CDK12: variants seen among roughly 807,000 people sequenced by gnomAD.
CDK12 encodes cyclin dependent kinase 12.
CDK12 carries 17 observed loss-of-function variants against 133.8 expected under a neutral mutation model. The ratio of observed to expected loss-of-function variants is 0.13; its 90% CI spans 0.09 to 0.19. CDK12 has a LOEUF of 0.19. CDK12 is among the 10% of genes least tolerant of loss of function. CDK12 has a pLI of 1.00. For synonymous variants in CDK12, 694 were observed against 683.6 expected (o/e 1.02, Z -0.24); for missense variants, 1,508 against 1,818.7 (o/e 0.83, Z 3.11).
chr17:39,556,617 T>C (rs1160582083), intron 3 of CDK12, among the ~76,000 whole-genome samples: 1 of 152,188 alleles, frequency 6.6e-6, no homozygotes, highest in Non-Finnish European at 1.5e-5. Flanking sequence ...GACAACCTCC[T>C]GGCTTTTTCC....
chr17:39,546,222 C>T (rs1483096715), upstream of CDK12: 1 of 152,054 alleles, frequency 6.6e-6, no homozygotes, highest in Non-Finnish European at 1.5e-5. Context: ...CTCTGTCGCC[C>T]AGGCTGGAGT....
At chr17:39,523,611 A>G (rs931382130) in intron 11 of CDK12, among the ~76,000 whole-genome samples, 14 of 152,210 alleles carry the variant, frequency 9.2e-5, no homozygotes, top group African/African-American at 2.7e-4. Flanking sequence ...TTAGTTCATG[A>G]GTAGGTAGTA....
chr17:39,462,902 C>T lies in CDK12; in HGVS notation c.831C>T (p.Pro277=), dbSNP rs2144901947. The T allele has an allele frequency of 1.9e-6, 3 of 1,614,202 alleles. No individual in the cohort carries two copies. Among genetic ancestry groups the T allele is most frequent in the Non-Finnish European group, 2.5e-6 (3 of 1,180,040 alleles). The part of the protein sequence containing the change: ...GSTSRRQSVS[P]PYKEPSAYQS... Reference sequence around the variant, plus strand: ...CCTCGAGAAGGCAGTCGGTCAGTCCCCCTTACAAGGAGCCTTCGGCCTACC... The same window carrying T: ...CCTCGAGAAGGCAGTCGGTCAGTCCTCCTTACAAGGAGCCTTCGGCCTACC... Residue 277 remains proline, a synonymous_variant, in exon 1 of 14, where the codon CCC becomes CCT. Coordinates refer to ENST00000447079, the MANE Select transcript of CDK12 (RefSeq NM_016507.4).
At chr17:39,475,937 A>G (rs888203092) in intron 2 of CDK12, among the ~76,000 whole-genome samples, 16 of 152,254 alleles carry the variant, frequency 1.1e-4, no homozygotes, top group African/African-American at 3.1e-4. Flanking sequence ...CCATATTTTT[A>G]TAGTTTTTGT....
chr17:39,528,026 C>T (rs2146766865), intron 13 of CDK12, among the ~76,000 whole-genome samples: 1 of 152,140 alleles, frequency 6.6e-6, no homozygotes, highest in African/African-American at 2.4e-5. Flanking sequence ...AGCAATTCTC[C>T]TGCCTCAGCC....
At chr17:39,525,767 T>C in intron 12 of CDK12, 97 bp from the exon 13 acceptor site, 1 of 850,198 alleles carries the variant, frequency 1.2e-6, no homozygotes, top group South Asian at 1.7e-5. Context: ...TGAAATTTCA[T>C]TTTTTGGATA....
Position 39,480,264 on chromosome 17 carries a change from CT to C in CDK12, c.1931+8516del, listed in dbSNP as rs111244983. 1.3e-3 allele frequency among the ~76,000 whole-genome samples: 166 copies of C among 132,132 alleles called. 1 individual carries two copies. The highest frequency in any genetic ancestry group is 8.3e-3 in the Middle Eastern group (2 of 242). 86.7% of individuals were successfully genotyped at this position (132,132 alleles called of 152,430 possible). A position where few individuals can be genotyped will look rare whatever the true frequency, so the allele number is the denominator to read the frequency against. On this transcript the variant is annotated intron_variant, in intron 2 of 13. Transcript: ENST00000447079. ...ATTTTGGGAAAAGAATGAAACTTTA[CT>C]TTTTTTTTTTTTTTCCGAGACAGAG...
intron 4 of CDK12, among the ~76,000 whole-genome samples, chr17:39,493,979 G>A (rs1255678808): frequency 6.6e-6 from 1 of 152,038 alleles, no homozygotes; most frequent in Non-Finnish European, 1.5e-5. Flanking sequence ...CTGGGTGACA[G>A]AGCAAGACTC....
Position 39,462,118 on chromosome 17 carries a change from G to A in CDK12, c.47G>A (p.Gly16Glu), listed in dbSNP as rs760334479. The change falls in exon 1 of 14, where the codon GGA (glycine) becomes GAA (glutamate). Residue 16 changes from glycine (G) to glutamate (E), a missense_variant. Gly to Glu is a moderately conservative substitution (Grantham distance 98, BLOSUM62 -2). This residue lies in a region of CDK12 where 460 missense variants were observed against 490.8 expected (regional missense o/e 0.94). Coordinates refer to ENST00000447079, the MANE Select transcript of CDK12 (RefSeq NM_016507.4). The part of the protein sequence containing the change: ...RHGGKKDGSG[G>E]ASGTLQPSSG... Reference sequence around the variant, plus strand: ...GGGGGCAAGAAGGACGGGAGTGGAGGAGCTTCTGGAACTTTGCAGCCGTCA... The same window carrying A: ...GGGGGCAAGAAGGACGGGAGTGGAGAAGCTTCTGGAACTTTGCAGCCGTCA... 1 of 1,614,048 alleles carries A rather than the reference G, an allele frequency of 6.2e-7. No homozygotes were observed. The highest frequency in any genetic ancestry group is 1.7e-5 in the Admixed American group (1 of 60,008).
chr17:39,515,779 T>A lies in CDK12; in HGVS notation c.2817T>A (p.Asn939Lys). The A allele has an allele frequency of 6.2e-7, 1 of 1,613,702 alleles. No individual in the cohort carries two copies. The highest frequency in any genetic ancestry group is 8.5e-7 in the Non-Finnish European group (1 of 1,179,700). Residue 939 changes from asparagine to lysine, a missense_variant, in exon 9 of 14, where the codon AAT (asparagine) becomes AAA (lysine). Asn to Lys is a moderately conservative substitution (Grantham distance 94). Coordinates refer to ENST00000447079, the MANE Select transcript of CDK12 (RefSeq NM_016507.4). ...LFTKKPIFQANLELAQLELIS... is the reference protein window; with the variant it reads ...LFTKKPIFQAKLELAQLELIS... ...CAAAGAAGCCTATTTTTCAAGCCAATCTGGAACTGGCTCAGCTAGAACTGA... is the reference window on the plus strand; with the variant it reads ...CAAAGAAGCCTATTTTTCAAGCCAAACTGGAACTGGCTCAGCTAGAACTGA...
At chr17:39,554,842 C>T (rs925651535) in intron 2 of CDK12, among the ~76,000 whole-genome samples, 9 of 146,152 alleles carry the variant, frequency 6.2e-5, no homozygotes, top group Non-Finnish European at 1.2e-4. Flanking sequence ...GTTGAGATCG[C>T]GCCACTGCGC....
Position 39,462,880 on chromosome 17 carries a change from C to T in CDK12, c.809C>T (p.Ser270Leu), listed in dbSNP as rs2144900278. ...TACAAGAAAAGTCCTGGAAGTACCT[C>T]GAGAAGGCAGTCGGTCAGTCCCCCT... Reference protein sequence around the residue: ...DSYKKSPGSTSRRQSVSPPYK... With the variant: ...DSYKKSPGSTLRRQSVSPPYK... Residue 270 changes from serine to leucine, a missense_variant, in exon 1 of 14, where the codon TCG (serine) becomes TTG (leucine). This residue lies in a region of CDK12 where 460 missense variants were observed against 490.8 expected (regional missense o/e 0.94). Coordinates refer to ENST00000447079, the MANE Select transcript of CDK12 (RefSeq NM_016507.4). 1 of 1,614,132 alleles carries T rather than the reference C, an allele frequency of 6.2e-7. No homozygotes were observed. Among genetic ancestry groups the T allele is most frequent in the Non-Finnish European group, 8.5e-7 (1 of 1,180,010 alleles).
At chr17:39,489,031 C>T (rs1316650987) in intron 2 of CDK12, among the ~76,000 whole-genome samples, 1 of 151,888 alleles carries the variant, frequency 6.6e-6, no homozygotes, top group African/African-American at 2.4e-5. Flanking sequence ...AGCAATTCTC[C>T]TGCCTCAGCC....
Position 39,462,612 on chromosome 17 carries a change from AAGG to A in CDK12, c.544_546del (p.Glu182del), listed in dbSNP as rs955200004. ...GGAATCCAGGTCATCCAAGCTCCAC[AAGG>A]AGAAGACCAGGAAAGAACGGGAGCT... On this transcript the variant is annotated inframe_deletion, in exon 1 of 14. Transcript: ENST00000447079. 1 of 1,614,058 alleles carries A rather than the reference AAGG, an allele frequency of 6.2e-7. No individual in the cohort carries two copies. Among genetic ancestry groups the A allele is most frequent in the African/African-American group, 1.3e-5 (1 of 74,930 alleles).
intron 2 of CDK12, among the ~76,000 whole-genome samples, chr17:39,478,150 G>A (rs1209655166): frequency 1.3e-5 from 2 of 149,476 alleles, no homozygotes; most frequent in Non-Finnish European, 3.0e-5. Flanking sequence ...TTCCACCTTG[G>A]CATCCCTAAA....
chr17:39,501,217 TCTTGCTTTTAA>T, intron 5 of CDK12, 22 bp from the exon 6 acceptor site: 1 of 1,431,272 alleles, frequency 7.0e-7, no homozygotes, highest in South Asian at 1.4e-5. Context: ...CTTTTTTTTT[TCTTGCTTTTAA>T]TTTTTTTTCG....
intron 2 of CDK12, among the ~76,000 whole-genome samples, chr17:39,556,064 C>T (rs981163359): frequency 1.1e-4 from 17 of 151,288 alleles, no homozygotes; most frequent in Non-Finnish European, 2.1e-4. Flanking sequence ...AAACATGCCA[C>T]GATGCCACAT....
intron 2 of CDK12, among the ~76,000 whole-genome samples, chr17:39,476,641 G>A (rs1028978291): frequency 3.4e-5 from 5 of 146,132 alleles, no homozygotes; most frequent in Non-Finnish European, 7.5e-5. Flanking sequence ...AGGAACTCCT[G>A]ATCTCAGGTG....
chr17:39,521,103 C>T (rs1170227761), intron 11 of CDK12, among the ~76,000 whole-genome samples: 1 of 152,060 alleles, frequency 6.6e-6, no homozygotes, highest in East Asian at 1.9e-4. Flanking sequence ...CCTCGGCCTC[C>T]CAAAGTGCTG....
Sources: allele counts gnomAD v4.1 joint callset (sites outside exome capture counted in the v4.1 genomes callset), GRCh38; gene constraint gnomAD v4.1.1; regional missense constraint gnomAD v4.1.1; transcripts MANE v1.5; gene names NCBI Gene and HGNC (gene_info 2026-07-23, HGNC 2026-07-21).